Variants in MARCHF1 observed in about 807,000 individuals in gnomAD.
The protein encoded by MARCHF1 is membrane associated ring-CH-type finger 1, also known as E3 ubiquitin-protein ligase MARCHF1.
In MARCHF1, 40 loss-of-function variants were observed where a neutral mutation model predicts 54.2. That is an observed-to-expected ratio of 0.74 (90% confidence interval 0.57 to 0.96). MARCHF1 has a LOEUF of 0.96. MARCHF1 is among the 40% of genes least tolerant of loss of function. MARCHF1 has a pLI of 0.00. For missense variants in MARCHF1, 586 were observed against 656.5 expected (o/e 0.89, Z 1.17); for synonymous variants, 236 against 236.3 (o/e 1.00, Z 0.01).
intron 1 of MARCHF1, among the ~76,000 whole-genome samples, chr4:164,312,319 CTTTTTTTTTTTT>C (rs34613860): frequency 4.8e-5 from 5 of 103,442 alleles, no homozygotes; most frequent in Admixed American, 2.4e-4. Context: ...TTTTCTTTTT[CTTTTTTTTTTTT>C]TTTTTTTTTG....
chr4:164,300,655 C>A (rs976818692), intron 1 of MARCHF1, among the ~76,000 whole-genome samples: 6 of 152,142 alleles, frequency 3.9e-5, no homozygotes, highest in Non-Finnish European at 8.8e-5. Context: ...AATTCTCCCA[C>A]CTCACCCTCC....
rs1477650249 is a variant in MARCHF1 at position 164,021,544 on chromosome 4, A to G, written c.-247-32835T>C. On this transcript the variant is annotated intron_variant, in intron 2 of 9. Coordinates refer to ENST00000514618, the MANE Select transcript of MARCHF1 (RefSeq NM_001394959.1). Reference sequence around the variant, plus strand: ...TTCTTTTCTGAGCTTTGCTTTTTGTATTATATCCCAAAACTCTTTGCCTGA... The same window carrying G: ...TTCTTTTCTGAGCTTTGCTTTTTGTGTTATATCCCAAAACTCTTTGCCTGA... Among the ~76,000 whole-genome samples, 3 of 152,096 alleles carry G rather than the reference A, an allele frequency of 2.0e-5. No homozygotes were observed. In the South Asian group the frequency reaches 6.2e-4, roughly 32 times the overall value.
At chr4:163,817,732 G>A (rs530780748) in intron 4 of MARCHF1, among the ~76,000 whole-genome samples, 8 of 151,970 alleles carry the variant, frequency 5.3e-5, no homozygotes, top group African/African-American at 1.9e-4. Flanking sequence ...TGTTTTGAAA[G>A]CCACTTAAGA....
chr4:164,021,374 C>T (rs1352647728), intron 2 of MARCHF1, among the ~76,000 whole-genome samples: 2 of 152,190 alleles, frequency 1.3e-5, no homozygotes, highest in East Asian at 3.9e-4. Context: ...AAATGGTGTC[C>T]TGCTGATACT....
At chr4:164,142,094 G>A (rs929561158) in intron 1 of MARCHF1, among the ~76,000 whole-genome samples, 5 of 152,192 alleles carry the variant, frequency 3.3e-5, no homozygotes, top group African/African-American at 9.7e-5. Flanking sequence ...ACTCCCACCC[G>A]AATACTGTGC....
chr4:163,974,709 G>A (rs1041294916), intron 3 of MARCHF1, among the ~76,000 whole-genome samples: 23 of 152,126 alleles, frequency 1.5e-4, no homozygotes, highest in African/African-American at 4.6e-4. Context: ...CAAAACATCT[G>A]CCCTGGCTTT....
At chr4:164,176,367 T>C (rs1339642828) in intron 1 of MARCHF1, among the ~76,000 whole-genome samples, 1 of 152,198 alleles carries the variant, frequency 6.6e-6, no homozygotes, top group Non-Finnish European at 1.5e-5. Context: ...TTTAGTATCA[T>C]ACAGCACTAA....
At chr4:163,971,633 GT>G (rs1370102892) in intron 3 of MARCHF1, among the ~76,000 whole-genome samples, 1 of 152,188 alleles carries the variant, frequency 6.6e-6, no homozygotes, top group Non-Finnish European at 1.5e-5. Flanking sequence ...CTGGACCAGG[GT>G]GGAGTTACAG....
chr4:164,160,378 C>T (rs28742110), intron 1 of MARCHF1, among the ~76,000 whole-genome samples: 29,027 of 151,980 alleles, frequency 0.19, 4,418 homozygotes, highest in African/African-American at 0.41. Flanking sequence ...ACAATGGTCT[C>T]TGTGTATTTA....
chr4:163,751,259 C>T (rs1242093175), intron 4 of MARCHF1, among the ~76,000 whole-genome samples: 1 of 151,868 alleles, frequency 6.6e-6, no homozygotes, highest in Non-Finnish European at 1.5e-5. Context: ...CCTCAAACTC[C>T]TGGCCTCAAG....
intron 1 of MARCHF1, among the ~76,000 whole-genome samples, chr4:164,380,637 TTTTTA>T (rs1405433352): frequency 2.6e-5 from 4 of 152,260 alleles, no homozygotes; most frequent in South Asian, 2.1e-4. Context: ...GTCTCAAATA[TTTTTA>T]TTTTATTTTT....
At chr4:163,643,300 T>G (rs1284990562) in intron 5 of MARCHF1, among the ~76,000 whole-genome samples, 1 of 150,406 alleles carries the variant, frequency 6.6e-6, no homozygotes, top group Non-Finnish European at 1.5e-5. Flanking sequence ...TGCACTCCAG[T>G]ATGAGTGACA....
intron 5 of MARCHF1, among the ~76,000 whole-genome samples, chr4:163,672,808 C>A (rs373329964): frequency 4.6e-5 from 7 of 152,182 alleles, no homozygotes; most frequent in African/African-American, 1.7e-4. Flanking sequence ...AGCTCCCTGC[C>A]TTTTCCAGCT....
chr4:163,980,073 A>G (rs1373177242), intron 3 of MARCHF1, among the ~76,000 whole-genome samples: 1 of 149,448 alleles, frequency 6.7e-6, no homozygotes, highest in African/African-American at 2.5e-5. Context: ...ATCCTAAGCC[A>G]AAAGAACAAA....
At chr4:164,224,255 C>T (rs181793508) in intron 1 of MARCHF1, among the ~76,000 whole-genome samples, 261 of 144,180 alleles carry the variant, frequency 1.8e-3, no homozygotes, top group African/African-American at 6.4e-3. Context: ...TTTTTTTTTG[C>T]GATTTTTAGC....
intron 1 of MARCHF1, among the ~76,000 whole-genome samples, chr4:164,168,697 T>TAC: frequency 1.5e-5 from 2 of 135,402 alleles, no homozygotes; most frequent in African/African-American, 6.5e-5. Context: ...CACAAACACA[T>TAC]AGACACTCCT....
intron 1 of MARCHF1, among the ~76,000 whole-genome samples, chr4:164,336,464 A>G (rs984912175): frequency 2.0e-5 from 3 of 152,218 alleles, no homozygotes; most frequent in Non-Finnish European, 4.4e-5. Context: ...TCTTTGCTCC[A>G]TTTATTTTAT....
chr4:164,376,438 C>A (rs1731195240), intron 1 of MARCHF1, among the ~76,000 whole-genome samples: 1 of 152,138 alleles, frequency 6.6e-6, no homozygotes, highest in Admixed American at 6.5e-5. Context: ...AGGCCAGGCT[C>A]TCTTCAAAAG....
chr4:163,804,489 C>A (rs1193152737), intron 4 of MARCHF1, among the ~76,000 whole-genome samples: 4 of 152,082 alleles, frequency 2.6e-5, no homozygotes, highest in Non-Finnish European at 5.9e-5. Flanking sequence ...AGTTTGTAAA[C>A]CACTGTTCAA....
Sources: allele counts gnomAD v4.1 joint callset (sites outside exome capture counted in the v4.1 genomes callset), GRCh38; gene constraint gnomAD v4.1.1; transcripts MANE v1.5; gene names NCBI Gene and HGNC (gene_info 2026-07-23, HGNC 2026-07-21).